The following GHR variants were observed in gnomAD, a reference collection of about 807,000 sequenced individuals.
GHR encodes GH receptor.
Under a neutral mutation model 67.1 loss-of-function variants are expected in GHR, and 35 were observed. The observed-to-expected ratio is 0.52, with a 90% CI of 0.40 to 0.69. The LOEUF is 0.69. GHR is among the 30% of genes least tolerant of loss of function. The pLI is 0.00. For missense variants in GHR, 792 were observed against 764.6 expected, an observed-to-expected ratio of 1.04 and a Z score of -0.42; for synonymous variants, 272 against 269.1, an observed-to-expected ratio of 1.01 and a Z score of -0.10.
At chr5:42,703,105 T>A (rs1182314029) in intron 6 of GHR, among the ~76,000 whole-genome samples, 1 of 152,028 alleles carries the variant, frequency 6.6e-6, no homozygotes, top group Non-Finnish European at 1.5e-5. Context: ...CTGTTCCCAA[T>A]GGAGTCATAT....
chr5:42,655,309 C>G (rs1755200838), intron 3 of GHR, among the ~76,000 whole-genome samples: 1 of 152,072 alleles, frequency 6.6e-6, no homozygotes, highest in Admixed American at 6.6e-5. Flanking sequence ...AGGATGAGGG[C>G]ACTTGGAGAG....
intron 2 of GHR, among the ~76,000 whole-genome samples, chr5:42,589,849 A>G (rs891039178): frequency 2.0e-5 from 3 of 152,232 alleles, no homozygotes; most frequent in Admixed American, 2.0e-4. Context: ...CATTACATGG[A>G]AAGAGCCAGT....
At chr5:42,497,506 G>A (rs1746369300) in intron 1 of GHR, among the ~76,000 whole-genome samples, 1 of 152,120 alleles carries the variant, frequency 6.6e-6, no homozygotes, top group African/African-American at 2.4e-5. Flanking sequence ...TTTTAAGCAA[G>A]GATTGCCAAA....
chr5:42,469,203 G>A (rs1276046211), intron 1 of GHR, among the ~76,000 whole-genome samples: 1 of 152,192 alleles, frequency 6.6e-6, no homozygotes, highest in African/African-American at 2.4e-5. Context: ...TTCTCTCACT[G>A]TTCACTGGAA....
At chr5:42,512,000 G>A (rs1470884290) in intron 1 of GHR, among the ~76,000 whole-genome samples, 6 of 152,214 alleles carry the variant, frequency 3.9e-5, no homozygotes, top group South Asian at 2.1e-4. Context: ...TAGACCCTAC[G>A]CTTGAGCTGC....
chr5:42,648,654 A>G (rs550273799), intron 3 of GHR, among the ~76,000 whole-genome samples: 1 of 151,630 alleles, frequency 6.6e-6, no homozygotes, highest in East Asian at 1.9e-4. Context: ...TCTGTTCTAA[A>G]TATATAATAA....
chr5:42,565,357 C>A, intron 1 of GHR: 1 of 597,300 alleles, frequency 1.7e-6, no homozygotes, highest in Non-Finnish European at 2.1e-6. Flanking sequence ...TTTAGGATGG[C>A]TCATTAGCAA....
intron 1 of GHR, among the ~76,000 whole-genome samples, chr5:42,493,065 T>G (rs1189950187): frequency 6.6e-6 from 1 of 152,162 alleles, no homozygotes; most frequent in East Asian, 1.9e-4. Context: ...ACTGTATTAT[T>G]TGGTACATTT....
intron 1 of GHR, among the ~76,000 whole-genome samples, chr5:42,442,699 A>T (rs1743629383): frequency 6.6e-6 from 1 of 152,206 alleles, no homozygotes; most frequent in Non-Finnish European, 1.5e-5. Context: ...TTCTCAGGAG[A>T]TTCCAGTGCT....
chr5:42,590,076 A>G (rs1751695985), intron 2 of GHR, among the ~76,000 whole-genome samples: 1 of 152,226 alleles, frequency 6.6e-6, no homozygotes. Flanking sequence ...TGTGCCTGGC[A>G]TCATCCTAGC....
intron 3 of GHR, among the ~76,000 whole-genome samples, chr5:42,657,135 T>C (rs1755296691): frequency 6.6e-6 from 1 of 152,140 alleles, no homozygotes; most frequent in South Asian, 2.1e-4. Flanking sequence ...AGTAAATATA[T>C]AAGAGTAATC....
At chr5:42,692,891 A>G (rs1197566164) in intron 4 of GHR, among the ~76,000 whole-genome samples, 1 of 152,080 alleles carries the variant, frequency 6.6e-6, no homozygotes, top group African/African-American at 2.4e-5. Flanking sequence ...TGAAAGCCTC[A>G]TTTTCTGGGC....
chr5:42,468,634 G>T, intron 1 of GHR: 1 of 1,081,604 alleles, frequency 9.2e-7, no homozygotes, highest in South Asian at 1.3e-5. Context: ...GCGGGTTCTT[G>T]CTGTCTTTCT....
chr5:42,640,778 G>A (rs1017958022), intron 3 of GHR, among the ~76,000 whole-genome samples: 1 of 151,980 alleles, frequency 6.6e-6, no homozygotes, highest in Non-Finnish European at 1.5e-5. Flanking sequence ...GTGTGTGTGT[G>A]TGTGTATCTT....
At chr5:42,492,319 A>T (rs1380758765) in intron 1 of GHR, among the ~76,000 whole-genome samples, 1 of 152,230 alleles carries the variant, frequency 6.6e-6, no homozygotes, top group Non-Finnish European at 1.5e-5. Context: ...AAAGAGATAA[A>T]TAAAATATGG....
At chr5:42,467,756 C>T (rs1744800424) in intron 1 of GHR, 5 of 1,550,056 alleles carry the variant, frequency 3.2e-6, no homozygotes, top group South Asian at 2.3e-5. Flanking sequence ...TGATGCACAA[C>T]GAGGTTTGCA....
intron 1 of GHR, among the ~76,000 whole-genome samples, chr5:42,476,431 G>T (rs900552872): frequency 3.4e-5 from 5 of 148,816 alleles, no homozygotes; most frequent in Non-Finnish European, 5.9e-5. Flanking sequence ...ATTTTGGCCA[G>T]GATGATCTCC....
At chr5:42,581,359 GTC>G (rs980535085) in intron 2 of GHR, among the ~76,000 whole-genome samples, 14 of 152,160 alleles carry the variant, frequency 9.2e-5, no homozygotes, top group African/African-American at 3.4e-4. Flanking sequence ...GAGAGATTGT[GTC>G]TGTTATGGAA....
At chr5:42,657,149 A>G (rs562503947) in intron 3 of GHR, among the ~76,000 whole-genome samples, 3 of 152,260 alleles carry the variant, frequency 2.0e-5, no homozygotes, top group Non-Finnish European at 4.4e-5. Flanking sequence ...AGTAATCATT[A>G]AGAGATCATC....
Sources: gnomAD v4.1 joint callset for allele counts (sites outside exome capture counted in the v4.1 genomes callset) on GRCh38, gnomAD v4.1.1 for gene constraint, MANE v1.5 for transcripts, NCBI Gene and HGNC (gene_info 2026-07-23, HGNC 2026-07-21) for gene names.